The following ITPR2 variants were observed in gnomAD, a reference collection of about 807,000 sequenced individuals.
ITPR2 encodes the protein inositol 1,4,5-trisphosphate receptor type 2, also known as inositol 1,4,5-trisphosphate-gated calcium channel ITPR2.
A neutral mutation model predicts 317.1 loss-of-function variants in ITPR2; 207 were observed. That is an observed-to-expected ratio of 0.65 (90% CI 0.58 to 0.73). The LOEUF is 0.73. Among genes scored for constraint, ITPR2 ranks in the 30% least tolerant of loss-of-function variants. The probability of loss-of-function intolerance (pLI) is 0.00; values close to 1 mark genes in which losing one functional copy is unlikely to be tolerated. For synonymous variants in ITPR2, 1,156 were observed against 1,149.1 expected, an observed-to-expected ratio of 1.01 and a Z score of -0.12; for missense variants, 2,613 against 3,284.0, an observed-to-expected ratio of 0.80 and a Z score of 4.99.
At chr12:26,599,071 T>C in intron 30 of ITPR2, 74 bp downstream of exon 30, 1 of 1,334,714 alleles carries the variant, frequency 7.5e-7, no homozygotes, top group East Asian at 2.3e-5. Flanking sequence ...TGGGGGCTTT[T>C]TCACTGTAAT....
At chr12:26,449,892 C>A (rs1014803010) in intron 45 of ITPR2, among the ~76,000 whole-genome samples, 2 of 152,084 alleles carry the variant, frequency 1.3e-5, no homozygotes, top group Admixed American at 6.6e-5. Flanking sequence ...TCTCCTGGTA[C>A]CTATGAATGT....
chr12:26,595,275 A>G (rs1459943133), intron 32 of ITPR2, among the ~76,000 whole-genome samples, 190 bp downstream of exon 32: 1 of 152,256 alleles, frequency 6.6e-6, no homozygotes, highest in Non-Finnish European at 1.5e-5. Flanking sequence ...TCTACAATGT[A>G]CTAAGTATTT....
At chr12:26,728,151 G>A (rs1357620182) in intron 2 of ITPR2, among the ~76,000 whole-genome samples, 1 of 152,162 alleles carries the variant, frequency 6.6e-6, no homozygotes, top group Non-Finnish European at 1.5e-5. Context: ...TGTGAAAGAT[G>A]GCATGAGCAA....
intron 39 of ITPR2, among the ~76,000 whole-genome samples, chr12:26,488,318 G>A (rs1173989524): frequency 6.6e-6 from 1 of 152,030 alleles, no homozygotes; most frequent in African/African-American, 2.4e-5. Flanking sequence ...AAGCAGAACT[G>A]GCCCTACTCC....
chr12:26,341,788 A>G (rs1938121460), intron 55 of ITPR2, among the ~76,000 whole-genome samples: 1 of 152,216 alleles, frequency 6.6e-6, no homozygotes, highest in South Asian at 2.1e-4. Context: ...CTTATGGCTC[A>G]GGACAGCCCT....
chr12:26,346,284 C>A (rs539659389), intron 55 of ITPR2, among the ~76,000 whole-genome samples: 41 of 152,266 alleles, frequency 2.7e-4, no homozygotes, highest in Non-Finnish European at 5.1e-4. Flanking sequence ...AGTGTAGAAA[C>A]CTTGTAGTCA....
intron 55 of ITPR2, among the ~76,000 whole-genome samples, chr12:26,382,891 T>C (rs993014253): frequency 6.6e-6 from 1 of 152,192 alleles, no homozygotes; most frequent in African/African-American, 2.4e-5. Context: ...CATCAATAGA[T>C]ACAATATTCT....
intron 2 of ITPR2, among the ~76,000 whole-genome samples, chr12:26,768,594 A>C (rs1197301735): frequency 6.9e-6 from 1 of 144,532 alleles, no homozygotes; most frequent in Non-Finnish European, 1.5e-5. Context: ...AAAAAAAAAA[A>C]AAACCTCCTG....
chr12:26,824,558 A>G (rs998956621), intron 1 of ITPR2, among the ~76,000 whole-genome samples: 1 of 152,216 alleles, frequency 6.6e-6, no homozygotes, highest in South Asian at 2.1e-4. Flanking sequence ...TAACTAGGAA[A>G]ATAATTTATT....
intron 2 of ITPR2, among the ~76,000 whole-genome samples, chr12:26,779,295 G>C (rs1224891459): frequency 1.3e-5 from 2 of 152,172 alleles, no homozygotes; most frequent in Non-Finnish European, 2.9e-5. Flanking sequence ...TCTGGTACTG[G>C]GCTTTGGTGG....
chr12:26,604,377 A>G lies in ITPR2; in HGVS notation c.3463-1671T>C, dbSNP rs2136752764. On this transcript the variant is annotated intron_variant, in intron 26 of 56. Transcript: ENST00000381340. ...TCTACAAAGACACTTTCTCTTTTCC[A>G]TTCAAAAATTTCCAGTGATATCCAC... Among the ~76,000 whole-genome samples the G allele has an allele frequency of 1.3e-5, 2 of 152,270 alleles. 1 individual carries two copies. Among genetic ancestry groups the G allele is most frequent in the Middle Eastern group, 6.8e-3 (2 of 294 alleles).
Position 26,628,147 on chromosome 12 carries a change from T to G in ITPR2, c.2950A>C (p.Arg984=). Residue 984 remains arginine, a synonymous_variant, in exon 23 of 57, where the codon AGA becomes CGA. Transcript: ENST00000381340. ...IEILQFILSV[R]LDYRISYMLS... ...ATATATGAGATCCTATAATCCAGTCTGACACTCAGGATAAACTATAAGAAA... is the reference window on the plus strand; with the variant it reads ...ATATATGAGATCCTATAATCCAGTCGGACACTCAGGATAAACTATAAGAAA... 1 of 1,602,238 alleles carries G rather than the reference T, an allele frequency of 6.2e-7. No individual in the cohort carries two copies. The highest frequency in any genetic ancestry group is 8.5e-7 in the Non-Finnish European group (1 of 1,172,666).
chr12:26,674,778 A>G (rs1281501923), intron 13 of ITPR2, among the ~76,000 whole-genome samples: 1 of 152,200 alleles, frequency 6.6e-6, no homozygotes. Flanking sequence ...AATGGGAGAA[A>G]ATTTTCGCAA....
chr12:26,785,163 G>A (rs1357868801), intron 2 of ITPR2, among the ~76,000 whole-genome samples: 12 of 38,116 alleles, frequency 3.1e-4, no homozygotes, highest in African/African-American at 8.5e-4. Flanking sequence ...CCCCGTCCGG[G>A]AGGGAGGTGG....
intron 9 of ITPR2, among the ~76,000 whole-genome samples, chr12:26,703,792 C>T (rs1247273148): frequency 6.6e-6 from 1 of 152,194 alleles, no homozygotes; most frequent in Non-Finnish European, 1.5e-5. Context: ...CCAACAGTTA[C>T]TGAAGGCAAA....
intron 52 of ITPR2, among the ~76,000 whole-genome samples, chr12:26,408,317 G>A (rs576353236): frequency 6.6e-5 from 10 of 151,972 alleles, no homozygotes; most frequent in African/African-American, 2.4e-4. Flanking sequence ...TCATCATCAA[G>A]GTTTGTACTG....
At chr12:26,774,628 A>G (rs1949925417) in intron 2 of ITPR2, among the ~76,000 whole-genome samples, 1 of 152,230 alleles carries the variant, frequency 6.6e-6, no homozygotes, top group Non-Finnish European at 1.5e-5. Context: ...TACAGTTTAT[A>G]GTCTAATCAC....
intron 9 of ITPR2, among the ~76,000 whole-genome samples, chr12:26,707,174 C>G (rs773344889): frequency 1.3e-5 from 2 of 152,106 alleles, no homozygotes; most frequent in East Asian, 1.9e-4. Context: ...CTTCCTTTGC[C>G]GTACCTGCAG....
At chr12:26,598,913 C>T (rs1481910331) in intron 30 of ITPR2, among the ~76,000 whole-genome samples, 3 of 152,068 alleles carry the variant, frequency 2.0e-5, no homozygotes, top group South Asian at 2.1e-4. Flanking sequence ...TTTTAAAATA[C>T]ACAAATTCAT....
Sources: gnomAD v4.1 joint callset for allele counts (sites outside exome capture counted in the v4.1 genomes callset) on GRCh38, gnomAD v4.1.1 for gene constraint, MANE v1.5 for transcripts, NCBI Gene and HGNC (gene_info 2026-07-23, HGNC 2026-07-21) for gene names.